The following KCTD1 variants were observed in gnomAD, a reference collection of about 807,000 sequenced individuals.
KCTD1 encodes the protein potassium channel tetramerization domain containing 1.
Under a neutral mutation model 66.0 loss-of-function variants are expected in KCTD1, and 24 were observed. The observed-to-expected ratio is 0.36, with a 90% CI of 0.26 to 0.51. KCTD1 has a LOEUF of 0.51. Ranked by LOEUF, KCTD1 falls within the 20% of genes least tolerant of loss-of-function variation. KCTD1 has a pLI of 0.95. For missense variants in KCTD1, 943 were observed against 1,205.2 expected (o/e 0.78, Z 3.22); for synonymous variants, 511 against 517.2 (o/e 0.99, Z 0.16).
intron 1 of KCTD1, among the ~76,000 whole-genome samples, chr18:26,590,276 A>T (rs1986569673): frequency 1.3e-5 from 2 of 150,618 alleles, no homozygotes; most frequent in South Asian, 4.2e-4. Flanking sequence ...TTTAGTAGAG[A>T]TGGGGTTTCA....
At chr18:26,602,082 A>T (rs971978216) in intron 1 of KCTD1, among the ~76,000 whole-genome samples, 12 of 152,162 alleles carry the variant, frequency 7.9e-5, no homozygotes, top group Non-Finnish European at 2.9e-5. Flanking sequence ...CTTTAGGGGA[A>T]ATGGCTAGTC....
chr18:26,507,707 T>G (rs908917553), intron 1 of KCTD1, among the ~76,000 whole-genome samples: 1 of 152,126 alleles, frequency 6.6e-6, no homozygotes, highest in African/African-American at 2.4e-5. Context: ...TATACTTTTT[T>G]TTTTTTAAAA....
intron 4 of KCTD1, chr18:26,456,535 C>T (rs1980096772): frequency 6.6e-6 from 1 of 152,164 alleles, no homozygotes; most frequent in Non-Finnish European, 1.5e-5. Context: ...AAGTTTGTAA[C>T]ATCTGAAACA....
At chr18:26,624,997 T>G (rs753996854) in intron 1 of KCTD1, among the ~76,000 whole-genome samples, 3 of 152,264 alleles carry the variant, frequency 2.0e-5, no homozygotes, top group Non-Finnish European at 4.4e-5. Flanking sequence ...TAAGGTTTGG[T>G]GACTGCCCTG....
intron 1 of KCTD1, among the ~76,000 whole-genome samples, chr18:26,541,131 A>G (rs1280558961): frequency 6.6e-6 from 1 of 152,168 alleles, no homozygotes; most frequent in Non-Finnish European, 1.5e-5. Context: ...CCAGGGTTAC[A>G]TAAATGAACT....
chr18:26,526,654 C>T (rs753261593), intron 1 of KCTD1, among the ~76,000 whole-genome samples: 6 of 152,134 alleles, frequency 3.9e-5, no homozygotes, highest in Non-Finnish European at 8.8e-5. Flanking sequence ...TCCTCTGCTC[C>T]GCTGCCTCCT....
intron 1 of KCTD1, among the ~76,000 whole-genome samples, chr18:26,509,132 TAA>T (rs1983202734): frequency 7.2e-6 from 1 of 138,662 alleles, no homozygotes; most frequent in African/African-American, 3.0e-5. Flanking sequence ...AGAAAGAAAA[TAA>T]TCTTTCTGGT....
At chr18:26,649,176 A>C (rs1290321506) in intron 1 of KCTD1, among the ~76,000 whole-genome samples, 1 of 152,238 alleles carries the variant, frequency 6.6e-6, no homozygotes, top group Non-Finnish European at 1.5e-5. Context: ...CCCTGGCAGC[A>C]CGTGACTGCC....
In KCTD1 at chr18:26,476,550, G is replaced by T; in HGVS notation, c.2098C>A (p.Arg700=). The change falls in exon 3 of 5, where the codon CGA becomes AGA. Residue 700 remains arginine (R), a synonymous_variant. Transcript: ENST00000580059. The surrounding 1 kb of genome is among the most constrained non-coding windows in gnomAD (Gnocchi z 4.9). ...QMFRYILNFL[R]TSKLLIPDDF... ...TCAGGAATGAGGAGTTTGGATGTTC[G>T]TAGAAAATTCAAGATATATCTGAAC... is the stretch of plus-strand genomic sequence containing the variant. The T allele has an allele frequency of 6.2e-7, 1 of 1,613,234 alleles. No individual in the cohort carries two copies. Among genetic ancestry groups the T allele is most frequent in the Middle Eastern group, 1.7e-4 (1 of 6,058 alleles).
chr18:26,580,527 A>G (rs1229045261), intron 1 of KCTD1, among the ~76,000 whole-genome samples: 1 of 152,154 alleles, frequency 6.6e-6, no homozygotes, highest in African/African-American at 2.4e-5. Flanking sequence ...GTGGAGCCCA[A>G]GGATGTGATT....
In KCTD1 at chr18:26,589,113, C is replaced by T. The variant is rs528708475; in HGVS notation, c.-16+40034G>A. ...GAAGGGAGATACCTGCATGAGGCGA[C>T]CTCATAATTAAAGGCTCTGTCTAGA... is the stretch of plus-strand genomic sequence containing the variant. On this transcript the variant is annotated intron_variant, in intron 1 of 4. Coordinates refer to the KCTD1 transcript ENST00000317932. Among the ~76,000 whole-genome samples, 21 of 152,210 alleles carry T rather than the reference C, an allele frequency of 1.4e-4. 1 individual carries two copies. In the South Asian group the frequency reaches 3.5e-3, roughly 26 times the overall value.
At chr18:26,514,181 A>G (rs1240417260) in intron 1 of KCTD1, among the ~76,000 whole-genome samples, 1 of 152,228 alleles carries the variant, frequency 6.6e-6, no homozygotes, top group Non-Finnish European at 1.5e-5. Flanking sequence ...TAAAAAATAA[A>G]GTAACGATCT....
chr18:26,550,735 G>T (rs1985532710), upstream of KCTD1, among the ~76,000 whole-genome samples: 3 of 152,208 alleles, frequency 2.0e-5, no homozygotes, highest in South Asian at 6.2e-4. This position sits in a 1 kb window ranked among gnomAD's most constrained non-coding sequence, Gnocchi z 5.4. Context: ...GTGCAGAAAG[G>T]CGTGCTCGTT....
chr18:26,478,954 A>G (rs1214188413), intron 2 of KCTD1, among the ~76,000 whole-genome samples: 1 of 152,266 alleles, frequency 6.6e-6, no homozygotes, highest in East Asian at 1.9e-4. Flanking sequence ...GGATTTAAGG[A>G]GAAAAAGGAA....
At chr18:26,605,901 G>A (rs556471299) in intron 1 of KCTD1, among the ~76,000 whole-genome samples, 63 of 152,222 alleles carry the variant, frequency 4.1e-4, no homozygotes, top group Admixed American at 3.1e-3. Flanking sequence ...TTTTGCTGAG[G>A]TTAAGGACAT....
chr18:26,509,621 A>T (rs1983232347), intron 1 of KCTD1, among the ~76,000 whole-genome samples: 1 of 152,206 alleles, frequency 6.6e-6, no homozygotes, highest in Non-Finnish European at 1.5e-5. Context: ...AAATTAAGTC[A>T]TCCAAAGATC....
intron 3 of KCTD1, among the ~76,000 whole-genome samples, chr18:26,471,272 G>C (rs561227393): frequency 1.1e-4 from 17 of 151,832 alleles, no homozygotes; most frequent in Admixed American, 5.2e-4. Flanking sequence ...TCTATAACAC[G>C]CTGTACTCTT....
At position 26,455,788 on chromosome 18, in the gene KCTD1, G is replaced by T. The variant is rs1161231061; in HGVS notation, c.2553C>A (p.Pro851=). 1 of 1,614,180 alleles carries T rather than the reference G, an allele frequency of 6.2e-7. No homozygotes were observed. The highest frequency in any genetic ancestry group is 8.5e-7 in the Non-Finnish European group (1 of 1,180,044). Residue 851 remains proline (P), a synonymous_variant, in exon 5 of 5, where the codon CCC becomes CCA. Transcript: ENST00000580059. ...TTATCCGGATGACGGAGGGTACACG[G>T]GGCGTCCGCCTCAGTTCCCGCCGAA... ...YVLRRELRRT[P]RVPSVIRIKQ...
intron 1 of KCTD1, among the ~76,000 whole-genome samples, chr18:26,579,809 T>C (rs746584239): frequency 2.6e-5 from 4 of 152,170 alleles, no homozygotes; most frequent in Non-Finnish European, 4.4e-5. Flanking sequence ...AGGGGAAAAC[T>C]GAAGCCATTT....
Sources: gnomAD v4.1 joint callset for allele counts (sites outside exome capture counted in the v4.1 genomes callset) on GRCh38, gnomAD v4.1.1 for gene constraint, Gnocchi (gnomAD v3.1) non-coding constraint, MANE v1.5 for transcripts, NCBI Gene and HGNC (gene_info 2026-07-23, HGNC 2026-07-21) for gene names.